The following DLGAP2 variants were observed in gnomAD, a reference collection of about 807,000 sequenced individuals.
DLGAP2 encodes the protein DLG associated protein 2.
A neutral mutation model predicts 100.3 loss-of-function variants in DLGAP2; 26 were observed. The observed-to-expected ratio is 0.26, with a 90% CI of 0.19 to 0.36. The LOEUF (loss-of-function observed/expected upper bound fraction) is 0.36. Among genes scored for constraint, DLGAP2 ranks in the 10% least tolerant of loss-of-function variants. The pLI is 1.00. For missense variants in DLGAP2, 1,858 were observed against 1,453.2 expected, an observed-to-expected ratio of 1.28 and a Z score of -4.53; for synonymous variants, 886 against 630.1, an observed-to-expected ratio of 1.41 and a Z score of -6.08.
Position 1,088,477 on chromosome 8 carries a change from ATTTT to A in DLGAP2, c.74-170373_74-170370del, listed in dbSNP as rs1804051467. 5.9e-5 allele frequency among the ~76,000 whole-genome samples: 9 copies of A among 152,300 alleles called. 1 individual carries two copies. In the South Asian group the frequency reaches 1.9e-3, roughly 32 times the overall value. ...TGCCGGAAATTCAGAAAACAGCTGA[ATTTT>A]AGTCTTTCTCTGTCTGTTTTTCATG... is the stretch of plus-strand genomic sequence containing the variant. On this transcript the variant is annotated intron_variant, in intron 2 of 14. Transcript: ENST00000637795.
At chr8:1,614,028 A>C (rs1241068660) in intron 6 of DLGAP2, among the ~76,000 whole-genome samples, 1 of 152,110 alleles carries the variant, frequency 6.6e-6, no homozygotes, top group African/African-American at 2.4e-5. Flanking sequence ...CGGGGTTTTC[A>C]GCGAAAATGG....
At chr8:1,575,078 A>G (rs887029394) in intron 6 of DLGAP2, among the ~76,000 whole-genome samples, 4 of 152,182 alleles carry the variant, frequency 2.6e-5, no homozygotes, top group African/African-American at 7.2e-5. Flanking sequence ...ACAAGAGACT[A>G]TGAACAATAC....
At chr8:1,283,434 T>G (rs1442951203) in intron 3 of DLGAP2, among the ~76,000 whole-genome samples, 1 of 152,236 alleles carries the variant, frequency 6.6e-6, no homozygotes, top group Non-Finnish European at 1.5e-5. Flanking sequence ...TTGTTTTGAT[T>G]TATTGAATAT....
At chr8:1,258,431 C>T (rs571418933) in intron 2 of DLGAP2, among the ~76,000 whole-genome samples, 6 of 121,240 alleles carry the variant, frequency 4.9e-5, no homozygotes, top group East Asian at 2.7e-4. Context: ...TGGGGCCTGT[C>T]GGTGGGTGGG....
intron 3 of DLGAP2, among the ~76,000 whole-genome samples, chr8:1,465,729 G>A (rs79562301): frequency 0.016 from 2,477 of 152,314 alleles, 56 homozygotes; most frequent in African/African-American, 0.056. Flanking sequence ...AAGTCGCTGC[G>A]CTCTGTGTTG....
intron 1 of DLGAP2, among the ~76,000 whole-genome samples, chr8:863,361 C>A (rs557629791): frequency 1.3e-5 from 2 of 152,334 alleles, no homozygotes; most frequent in East Asian, 3.9e-4. Context: ...ATATTGATGA[C>A]ATCCCAAATA....
At chr8:849,726 C>T (rs1030091868) in intron 1 of DLGAP2, among the ~76,000 whole-genome samples, 16 of 152,170 alleles carry the variant, frequency 1.1e-4, no homozygotes, top group Admixed American at 3.3e-4. Context: ...TTATCATGTG[C>T]CTGCTTTCCA....
intron 2 of DLGAP2, among the ~76,000 whole-genome samples, chr8:1,000,981 C>T (rs1278803984): frequency 1.3e-5 from 2 of 152,116 alleles, no homozygotes; most frequent in Admixed American, 6.5e-5. Flanking sequence ...GCAGGAGTGC[C>T]GCTCACCCTG....
intron 1 of DLGAP2, among the ~76,000 whole-genome samples, chr8:768,580 A>G (rs1821275174): frequency 6.6e-6 from 1 of 151,772 alleles, no homozygotes; most frequent in South Asian, 2.1e-4. Context: ...GCTTGCCACC[A>G]TGCCCGGCTA....
intron 2 of DLGAP2, among the ~76,000 whole-genome samples, chr8:1,196,922 G>C (rs938855084): frequency 2.0e-5 from 3 of 152,168 alleles, no homozygotes; most frequent in Non-Finnish European, 4.4e-5. Flanking sequence ...GATTATGGGG[G>C]CTGAGAGGTC....
chr8:1,584,964 A>C lies in DLGAP2; in HGVS notation c.1442+19070A>C, dbSNP rs1313207361. Among the ~76,000 whole-genome samples the C allele has an allele frequency of 7.9e-5, 12 of 152,272 alleles. No individual in the cohort carries two copies. The East Asian group carries it at 2.3e-3, about 29-fold the overall frequency. ...TTTTCTATTAGAAAAAATGTCCTTAACGTTAAATCAAAAACTTAAGTACAA... is the reference window on the plus strand; with the variant it reads ...TTTTCTATTAGAAAAAATGTCCTTACCGTTAAATCAAAAACTTAAGTACAA... On this transcript the variant is annotated intron_variant, in intron 6 of 14. Transcript: ENST00000637795.
chr8:937,026 T>C (rs1010949651), intron 2 of DLGAP2, among the ~76,000 whole-genome samples: 4 of 152,204 alleles, frequency 2.6e-5, no homozygotes, highest in Non-Finnish European at 5.9e-5. Context: ...CCTGTTTCTG[T>C]GTACAGAGGT....
intron 3 of DLGAP2, among the ~76,000 whole-genome samples, chr8:1,276,111 A>T (rs992851717): frequency 6.3e-5 from 9 of 142,476 alleles, no homozygotes; most frequent in African/African-American, 5.3e-5. Context: ...ATAAATATAT[A>T]TATAATATAT....
intron 1 of DLGAP2, among the ~76,000 whole-genome samples, chr8:881,698 T>C (rs1797800741): frequency 2.8e-5 from 2 of 71,584 alleles, no homozygotes; most frequent in Non-Finnish European, 7.1e-5. Context: ...TTTTTTTTTT[T>C]AGTAGAGACA....
At chr8:938,360 C>A (rs1799119124) in intron 2 of DLGAP2, among the ~76,000 whole-genome samples, 2 of 152,102 alleles carry the variant, frequency 1.3e-5, no homozygotes, top group South Asian at 4.1e-4. Context: ...CCATGCCTGG[C>A]TGATTTTTAA....
chr8:1,088,087 C>A (rs78451075), intron 2 of DLGAP2, among the ~76,000 whole-genome samples: 3,391 of 152,340 alleles, frequency 0.022, 52 homozygotes, highest in Middle Eastern at 0.058. Flanking sequence ...CTGGGCTTGG[C>A]CCCACAGGGG....
At chr8:1,502,548 C>T (rs1799759472) in intron 4 of DLGAP2, among the ~76,000 whole-genome samples, 2 of 152,256 alleles carry the variant, frequency 1.3e-5, no homozygotes, top group Admixed American at 6.5e-5. Context: ...ACGTTCTACA[C>T]AGCCTTTCTT....
At chr8:1,262,757 A>G (rs1482871641) in intron 3 of DLGAP2, among the ~76,000 whole-genome samples, 1 of 152,220 alleles carries the variant, frequency 6.6e-6, no homozygotes, top group South Asian at 2.1e-4. Flanking sequence ...ATAATCTGTC[A>G]ATTTAATATC....
At chr8:1,496,266 G>A (rs1799543104) in intron 3 of DLGAP2, among the ~76,000 whole-genome samples, 1 of 152,038 alleles carries the variant, frequency 6.6e-6, no homozygotes. Flanking sequence ...ATCTCTACAT[G>A]AGACATTGCG....
Sources: allele counts gnomAD v4.1 joint callset (sites outside exome capture counted in the v4.1 genomes callset), GRCh38; gene constraint gnomAD v4.1.1; transcripts MANE v1.5; gene names NCBI Gene and HGNC (gene_info 2026-07-23, HGNC 2026-07-21).